The following PREX1 variants were observed in gnomAD, a reference collection of about 807,000 sequenced individuals.
The protein encoded by PREX1 is phosphatidylinositol 3,4,5-trisphosphate-dependent Rac exchanger 1 protein.
Under a neutral mutation model 198.3 loss-of-function variants are expected in PREX1, and 41 were observed. The ratio of observed to expected loss-of-function variants is 0.21; its 90% CI spans 0.16 to 0.27. PREX1 has a LOEUF of 0.27. Ranked by LOEUF, PREX1 falls within the 10% of genes least tolerant of loss-of-function variation. The pLI is 1.00. For synonymous variants in PREX1, 843 were observed against 887.2 expected, an observed-to-expected ratio of 0.95 and a Z score of 0.89; for missense variants, 1,620 against 2,200.7, an observed-to-expected ratio of 0.74 and a Z score of 5.28.
rs2089257430 is a variant in PREX1 at position 48,624,788 on chromosome 20, T to A, written c.*1097A>T. 1 of 152,382 alleles carries A rather than the reference T, an allele frequency of 6.6e-6. No homozygotes were observed. Among genetic ancestry groups the A allele is most frequent in the South Asian group, 2.1e-4 (1 of 4,824 alleles). 9.4% of individuals were successfully genotyped at this position (152,382 alleles called of 1,614,324 possible). ...ATAAATCACAGAAGCCACCGCCCGG[T>A]GTTTCCCAGTGACCCTCTAACCCGT... is the stretch of plus-strand genomic sequence containing the variant. On this transcript the variant is annotated 3_prime_UTR_variant, in exon 40 of 40. Transcript: ENST00000371941.
At chr20:48,810,944 G>A (rs989821954) in intron 1 of PREX1, among the ~76,000 whole-genome samples, 1 of 152,022 alleles carries the variant, frequency 6.6e-6, no homozygotes, top group Non-Finnish European at 1.5e-5. Flanking sequence ...ATAATAAATG[G>A]CAACCAATGT....
rs144122765 is a variant in PREX1, at chr20:48,703,322, C to T, written c.784-2436G>A. On this transcript the variant is annotated intron_variant, in intron 6 of 39. Transcript: ENST00000371941. ...TGCAGCCGGGACAGGAGCCTGCATT[C>T]GTTATCACACATCACGGCCTTCGGC... 4.6e-3 allele frequency among the ~76,000 whole-genome samples: 695 copies of T among 152,338 alleles called. 5 individuals carry two copies. The highest frequency in any genetic ancestry group is 0.034 in the Middle Eastern group (10 of 294).
chr20:48,826,412 A>G (rs746724077), intron 1 of PREX1, among the ~76,000 whole-genome samples: 3 of 152,060 alleles, frequency 2.0e-5, no homozygotes, highest in African/African-American at 7.3e-5. Flanking sequence ...CCTCTCACAG[A>G]AAAAAAGCAA....
chr20:48,717,835 A>G (rs1330654137), intron 5 of PREX1, among the ~76,000 whole-genome samples: 1 of 152,220 alleles, frequency 6.6e-6, no homozygotes, highest in Non-Finnish European at 1.5e-5. Context: ...TCTGGCTTTG[A>G]TGAGGATGTG....
chr20:48,715,901 G>A (rs1229428051), intron 5 of PREX1, among the ~76,000 whole-genome samples: 2 of 152,136 alleles, frequency 1.3e-5, no homozygotes, highest in Non-Finnish European at 2.9e-5. Flanking sequence ...TATATATAAG[G>A]AAACTGAGGC....
the PREX1 span, among the ~76,000 whole-genome samples, chr20:48,854,566 A>C: frequency 1.3e-5 from 2 of 152,104 alleles, no homozygotes; most frequent in South Asian, 4.2e-4. Context: ...CTCTCTAAAA[A>C]ATAAAAACTA....
chr20:48,726,538 T>C (rs1025924097), intron 4 of PREX1, 147 bp from the exon 5 acceptor site: 1 of 628,914 alleles, frequency 1.6e-6, no homozygotes, highest in Non-Finnish European at 2.9e-6. Context: ...ACGTGCATCA[T>C]CTACAACCAA....
chr20:48,679,480 G>T lies in PREX1; in HGVS notation c.1540-71C>A. 3 of 1,508,224 alleles carry T rather than the reference G, an allele frequency of 2.0e-6. No homozygotes were observed. The South Asian group carries it at 3.4e-5, about 17-fold the overall frequency. 93.4% of individuals were successfully genotyped at this position (1,508,224 alleles called of 1,614,324 possible). A position where few individuals can be genotyped will look rare whatever the true frequency, so the allele number is the denominator to read the frequency against. On this transcript the variant is annotated intron_variant, in intron 12 of 39. Coordinates refer to ENST00000371941, the MANE Select transcript of PREX1 (RefSeq NM_020820.4). Reference sequence around the variant, plus strand: ...CACGAGCCTCCAAATCCAGGCTGATGGGAGAGATGGCTTCCAGGACGGGGC... The same window carrying T: ...CACGAGCCTCCAAATCCAGGCTGATTGGAGAGATGGCTTCCAGGACGGGGC...
chr20:48,700,047 C>T (rs4431002), intron 7 of PREX1, among the ~76,000 whole-genome samples: 11,177 of 152,276 alleles, frequency 0.073, 435 homozygotes, highest in South Asian at 0.14. Context: ...CGTCACCACA[C>T]TTCCCATCAC....
In PREX1 at chr20:48,827,551, C is replaced by T. The variant is rs1600539672; in HGVS notation, c.219+91G>A. 2.0e-6 allele frequency: 2 copies of T among 997,132 alleles called. No individual in the cohort carries two copies. Among genetic ancestry groups the T allele is most frequent in the Non-Finnish European group, 2.6e-6 (2 of 782,366 alleles). The allele number at this position is 997,132 out of a possible 1,614,324, so 61.8% of individuals were successfully genotyped here. A position where few individuals can be genotyped will look rare whatever the true frequency, so the allele number is the denominator to read the frequency against. On this transcript the variant is annotated intron_variant, in intron 1 of 39. Coordinates refer to ENST00000371941, the MANE Select transcript of PREX1 (RefSeq NM_020820.4). This position sits in a 1 kb window ranked among gnomAD's most constrained non-coding sequence, Gnocchi z 4.1. The stretch of plus-strand genomic sequence containing the variant: ...GGGGCGCCCCCGAGGCAATTCTCCA[C>T]CCACGGGGACCACGGCCACAGGTTG...
chr20:48,698,565 C>T (rs1362995329), intron 7 of PREX1, among the ~76,000 whole-genome samples: 1 of 152,124 alleles, frequency 6.6e-6, no homozygotes, highest in South Asian at 2.1e-4. Context: ...GACAGCAGGA[C>T]GTGAGATAGA....
intron 14 of PREX1, among the ~76,000 whole-genome samples, chr20:48,667,132 T>G (rs530995684): frequency 6.6e-6 from 1 of 152,212 alleles, no homozygotes; most frequent in African/African-American, 2.4e-5. Flanking sequence ...TTGCAGTCAC[T>G]TTAGACTACA....
intron 6 of PREX1, among the ~76,000 whole-genome samples, chr20:48,707,922 G>A (rs2089910834): frequency 6.6e-6 from 1 of 152,050 alleles, no homozygotes; most frequent in African/African-American, 2.4e-5. Context: ...CTTGACGTTG[G>A]CATCAACAGC....
chr20:48,678,209 G>GCT (rs1423124038), intron 13 of PREX1, among the ~76,000 whole-genome samples: 1 of 151,976 alleles, frequency 6.6e-6, no homozygotes, highest in Non-Finnish European at 1.5e-5. Flanking sequence ...AGCCACTCAG[G>GCT]CAACTGAGGC....
chr20:48,654,071 C>T (rs1178498246), intron 19 of PREX1, among the ~76,000 whole-genome samples: 6 of 152,208 alleles, frequency 3.9e-5, no homozygotes, highest in Admixed American at 3.9e-4. Context: ...TGTGGTGGTG[C>T]CAAGTACAGC....
intron 16 of PREX1, 114 bp downstream of exon 16, chr20:48,659,805 T>C (rs2089576455): frequency 6.9e-7 from 1 of 1,448,112 alleles, no homozygotes; most frequent in South Asian, 1.2e-5. Context: ...AATCCACCTA[T>C]TCTGGTACTC....
intron 6 of PREX1, among the ~76,000 whole-genome samples, chr20:48,705,790 C>A (rs1204455863): frequency 6.6e-6 from 1 of 152,312 alleles, no homozygotes; most frequent in Non-Finnish European, 1.5e-5. Context: ...ATATTCCACA[C>A]CTCACTTTAT....
upstream of PREX1, among the ~76,000 whole-genome samples, chr20:48,831,510 C>T (rs1042320828): frequency 4.6e-5 from 7 of 152,180 alleles, no homozygotes; most frequent in South Asian, 2.1e-4. Flanking sequence ...CTTGTGCTGC[C>T]GGCATTATTC....
Position 48,666,521 on chromosome 20 carries a change from T to TTTA in PREX1, c.1666-169_1666-167dup, listed in dbSNP as rs149151112. ...CAAAACGGGTTTGTGATTATTATTT[T>TTTA]TTATTATTATTATTATTTTTTTGAG... On this transcript the variant is annotated intron_variant, in intron 14 of 39. Transcript: ENST00000371941. The surrounding 1 kb of genome is among the most constrained non-coding windows in gnomAD (Gnocchi z 4.3). 2.0e-5 allele frequency among the ~76,000 whole-genome samples: 3 copies of TTTA among 151,928 alleles called. No homozygotes were observed. The highest frequency in any genetic ancestry group is 7.3e-5 in the African/African-American group (3 of 41,336).
Sources: gnomAD v4.1 joint callset for allele counts (sites outside exome capture counted in the v4.1 genomes callset) on GRCh38, gnomAD v4.1.1 for gene constraint, Gnocchi (gnomAD v3.1) non-coding constraint, MANE v1.5 for transcripts, NCBI Gene and HGNC (gene_info 2026-07-23, HGNC 2026-07-21) for gene names.